ADGRV1: variants seen among roughly 807,000 people sequenced by gnomAD.
ADGRV1 encodes the protein G-protein coupled receptor 98.
In ADGRV1, 359 loss-of-function variants were observed where a neutral mutation model predicts 596.2. That is an observed-to-expected ratio of 0.60 (90% CI 0.55 to 0.66). The LOEUF is 0.66. Ranked by LOEUF, ADGRV1 falls within the 30% of genes least tolerant of loss-of-function variation. ADGRV1 has a pLI of 0.00. For synonymous variants in ADGRV1, 2,681 were observed against 2,679.2 expected, an observed-to-expected ratio of 1.00 and a Z score of -0.02; for missense variants, 7,274 against 7,575.6, an observed-to-expected ratio of 0.96 and a Z score of 1.48.
Position 90,923,623 on chromosome 5 carries a change from A to T in ADGRV1, c.17857-41792A>T, listed in dbSNP as rs191745999. Among the ~76,000 whole-genome samples the T allele has an allele frequency of 2.6e-5, 4 of 152,008 alleles. No individual in the cohort carries two copies. In the East Asian group the frequency reaches 7.7e-4, roughly 29 times the overall value. On this transcript the variant is annotated intron_variant, in intron 83 of 89. Coordinates refer to ENST00000405460, the MANE Select transcript of ADGRV1 (RefSeq NM_032119.4). ...AACAGTCCCAATCTTGCCTTAGGTT[A>T]TTTGTTCTTTTTTTTTATTATTATA... is the stretch of plus-strand genomic sequence containing the variant.
chr5:90,974,563 G>T (rs1282354846), intron 84 of ADGRV1, among the ~76,000 whole-genome samples: 3 of 152,108 alleles, frequency 2.0e-5, no homozygotes, highest in Non-Finnish European at 4.4e-5. Flanking sequence ...ACAACCATCT[G>T]ATCTTTGACA....
chr5:90,926,962 C>G (rs1774549042), intron 83 of ADGRV1, among the ~76,000 whole-genome samples: 1 of 151,844 alleles, frequency 6.6e-6, no homozygotes, highest in Non-Finnish European at 1.5e-5. Flanking sequence ...GATTCCTAAT[C>G]CTGAGTTCTA....
chr5:90,642,770 C>T lies in ADGRV1; in HGVS notation c.2367+8C>T, dbSNP rs2366773. On this transcript the variant is annotated splice_region_variant and intron_variant, in intron 12 of 89. Transcript: ENST00000405460. ...GGACCCTATGTTATAAAAGTAAGTACGAAAAAAACTTCCATTTATTCTGTG... is the reference window on the plus strand; with the variant it reads ...GGACCCTATGTTATAAAAGTAAGTATGAAAAAAACTTCCATTTATTCTGTG... The T allele has an allele frequency of 0.7, 1,118,814 of 1,607,338 alleles. 393,400 individuals carry two copies. Among genetic ancestry groups the T allele is most frequent in the African/African-American group, 0.92 (68,699 of 74,444 alleles).
intron 6 of ADGRV1, chr5:90,625,907 A>G (rs899159185): frequency 2.0e-5 from 3 of 152,176 alleles, no homozygotes; most frequent in East Asian, 1.9e-4. Flanking sequence ...GCTTGTTTGG[A>G]TATTTTTAAT....
At chr5:90,976,294 G>GTA (rs199981858) in intron 84 of ADGRV1, among the ~76,000 whole-genome samples, 14,822 of 102,694 alleles carry the variant, frequency 0.14, 805 homozygotes, top group African/African-American at 0.16. Context: ...GTATGTGTGT[G>GTA]TATATGTGTG....
At chr5:90,719,906 T>C in intron 43 of ADGRV1, 142 bp from the exon 44 acceptor site, 1 of 659,200 alleles carries the variant, frequency 1.5e-6, no homozygotes, top group South Asian at 2.1e-5. Context: ...CATCACATTA[T>C]AGGAATCAGT....
intron 83 of ADGRV1, among the ~76,000 whole-genome samples, chr5:90,918,537 G>A (rs915288162): frequency 2.1e-4 from 32 of 152,178 alleles, no homozygotes; most frequent in Non-Finnish European, 4.3e-4. Flanking sequence ...ATATATCTGA[G>A]CTTGAATTCC....
chr5:90,601,358 A>G (rs1044339516), intron 1 of ADGRV1, among the ~76,000 whole-genome samples: 11 of 152,194 alleles, frequency 7.2e-5, no homozygotes, highest in African/African-American at 2.4e-4. Context: ...TTTTTAGAAT[A>G]TCATACCACT....
At chr5:91,135,231 G>A (rs1300976925) in intron 87 of ADGRV1, among the ~76,000 whole-genome samples, 1 of 151,162 alleles carries the variant, frequency 6.6e-6, no homozygotes, top group East Asian at 1.9e-4. Context: ...ATTTCCTTGT[G>A]TACTAAAATT....
chr5:90,653,303 C>T lies in ADGRV1; in HGVS notation c.3729C>T (p.Ile1243=). ...PFNDDPFGVF[I]LDPECLEREV... ...ATGATGATCCCTTTGGAGTTTTTAT[C>T]TTGGATCCAGAGTGTTTAGAGAGAG... Residue 1243 remains isoleucine, a synonymous_variant, in exon 20 of 90, where the codon ATC becomes ATT. Coordinates refer to ENST00000405460, the MANE Select transcript of ADGRV1 (RefSeq NM_032119.4). 6.2e-7 allele frequency: 1 copy of T among 1,613,892 alleles called. No homozygotes were observed. The highest frequency in any genetic ancestry group is 8.5e-7 in the Non-Finnish European group (1 of 1,179,862).
At chr5:90,599,093 A>G (rs1016817508) in intron 1 of ADGRV1, among the ~76,000 whole-genome samples, 2 of 152,188 alleles carry the variant, frequency 1.3e-5, no homozygotes, top group African/African-American at 4.8e-5. Flanking sequence ...CCCAAAGAGT[A>G]GAGGCTTAAG....
At chr5:91,096,486 G>C (rs555779205) in intron 86 of ADGRV1, among the ~76,000 whole-genome samples, 3 of 152,118 alleles carry the variant, frequency 2.0e-5, no homozygotes, top group Non-Finnish European at 4.4e-5. Flanking sequence ...TTTGTTGTTT[G>C]TTGTTGTTGT....
chr5:90,890,011 G>C (rs991996673), intron 83 of ADGRV1, among the ~76,000 whole-genome samples: 2 of 152,144 alleles, frequency 1.3e-5, no homozygotes, highest in Non-Finnish European at 2.9e-5. Flanking sequence ...TGGTTGATCA[G>C]TCTTGCAGCT....
At chr5:91,153,505 A>G (rs1051494713) in intron 89 of ADGRV1, 107 bp downstream of exon 89, 11 of 664,634 alleles carry the variant, frequency 1.7e-5, no homozygotes, top group Non-Finnish European at 2.6e-5. Context: ...CCCTTAGCAC[A>G]TCCTGATTCT....
chr5:91,023,155 T>C (rs918566896), intron 85 of ADGRV1, among the ~76,000 whole-genome samples: 3 of 152,200 alleles, frequency 2.0e-5, no homozygotes, highest in Non-Finnish European at 4.4e-5. Flanking sequence ...CCTTTCTTTA[T>C]AAACAAGTGT....
At position 90,695,041 on chromosome 5, in the gene ADGRV1, C is replaced by G. The variant is rs189991235; in HGVS notation, c.7945+340C>G. On this transcript the variant is annotated intron_variant, in intron 33 of 89. Coordinates refer to ENST00000405460, the MANE Select transcript of ADGRV1 (RefSeq NM_032119.4). The stretch of plus-strand genomic sequence containing the variant: ...TTTGTAAGGGAAATTTTAATAATGA[C>G]CCATGTACTTACAACCATACATGTT... Among the ~76,000 whole-genome samples, 341 of 152,240 alleles carry G rather than the reference C, an allele frequency of 2.2e-3. 1 individual carries two copies. The highest frequency in any genetic ancestry group is 7.2e-3 in the African/African-American group (298 of 41,548).
intron 85 of ADGRV1, among the ~76,000 whole-genome samples, chr5:91,063,821 G>A (rs1787653020): frequency 6.6e-6 from 1 of 152,114 alleles, no homozygotes; most frequent in African/African-American, 2.4e-5. Flanking sequence ...AACTGCAGAT[G>A]AGATTCAGGA....
intron 64 of ADGRV1, chr5:90,779,896 C>CT (rs896949823): frequency 1.2e-4 from 18 of 152,104 alleles, no homozygotes; most frequent in African/African-American, 4.3e-4. Context: ...GCTTTAAAAA[C>CT]TTTTTAAACT....
rs781507717 is a variant in ADGRV1, at chr5:90,683,646, C to T, written c.5725C>T (p.Pro1909Ser). Residue 1909 changes from proline to serine, a missense_variant, in exon 28 of 90, where the codon CCT (proline) becomes TCT (serine). Transcript: ENST00000405460. The stretch of plus-strand genomic sequence containing the variant: ...TTTGCATTGGAACATAGACTCTGAT[C>T]CTGATGGTGATCTCGCCTTCACCTC... ...VTLHWNIDSD[P>S]DGDLAFTSGN... 2.5e-6 allele frequency: 4 copies of T among 1,612,972 alleles called. No individual in the cohort carries two copies. The highest frequency in any genetic ancestry group is 2.5e-6 in the Non-Finnish European group (3 of 1,179,160).
Sources: allele counts gnomAD v4.1 joint callset (sites outside exome capture counted in the v4.1 genomes callset), GRCh38; gene constraint gnomAD v4.1.1; transcripts MANE v1.5; gene names NCBI Gene and HGNC (gene_info 2026-07-23, HGNC 2026-07-21).